The following MAPK8 variants were observed in gnomAD, a reference collection of about 807,000 sequenced individuals.
MAPK8 encodes mitogen-activated protein kinase 8.
A neutral mutation model predicts 52.9 loss-of-function variants in MAPK8; 13 were observed. The observed-to-expected ratio is 0.25, with a 90% confidence interval of 0.16 to 0.39. The LOEUF (loss-of-function observed/expected upper bound fraction) is 0.39. MAPK8 is among the 10% of genes least tolerant of loss of function. The pLI is 1.00. For synonymous variants in MAPK8, 191 were observed against 169.8 expected (o/e 1.12, Z -0.97); for missense variants, 300 against 519.2 (o/e 0.58, Z 4.10).
chr10:48,329,809 C>T (rs1843936080), intron 1 of MAPK8, among the ~76,000 whole-genome samples: 1 of 152,146 alleles, frequency 6.6e-6, no homozygotes, highest in Admixed American at 6.5e-5. Context: ...TTATTTTTAT[C>T]CTTGCTCTGC....
At chr10:48,380,270 T>G (rs2040917898) in intron 1 of MAPK8, among the ~76,000 whole-genome samples, 1 of 152,144 alleles carries the variant, frequency 6.6e-6, no homozygotes, top group African/African-American at 2.4e-5. Context: ...TAAAACAGTT[T>G]ACTGCATATA....
Position 48,420,178 on chromosome 10 carries a change from A to G in MAPK8, c.474A>G (p.Val158=), listed in dbSNP as rs753493053. ...AGGACTTAAAGCCCAGTAATATAGT[A>G]GTAAAATCTGATTGCACTTTGAAGA... is the stretch of plus-strand genomic sequence containing the variant. ...IHRDLKPSNI[V]VKSDCTLKIL... is the part of the protein sequence containing the mutation. Residue 158 remains valine, a synonymous_variant, in exon 6 of 12, where the codon GTA becomes GTG. Coordinates refer to ENST00000374189, the MANE Select transcript of MAPK8 (RefSeq NM_001323329.2). The G allele has an allele frequency of 6.2e-6, 10 of 1,613,610 alleles. 1 individual carries two copies. In the South Asian group the frequency reaches 1.1e-4, roughly 18 times the overall value.
chr10:48,313,081 A>T (rs1276055444), intron 1 of MAPK8, among the ~76,000 whole-genome samples: 2 of 152,204 alleles, frequency 1.3e-5, no homozygotes, highest in African/African-American at 4.8e-5. Flanking sequence ...CGTGTTATCC[A>T]AAATCCCTAG....
rs538702201 is a variant in MAPK8, at chr10:48,431,671, G to A, written c.1138+401G>A. Among the ~76,000 whole-genome samples the A allele has an allele frequency of 3.3e-5, 5 of 152,184 alleles. No homozygotes were observed. In the East Asian group the frequency reaches 7.7e-4, roughly 23 times the overall value. ...ACCAAATTGCTGTCTTTCTCTTTTT[G>A]ATATTATTGATTTGTTGAATGAAGG... On this transcript the variant is annotated intron_variant, in intron 11 of 11. Coordinates refer to ENST00000374189, the MANE Select transcript of MAPK8 (RefSeq NM_001323329.2).
At chr10:48,351,723 A>C (rs1846351721) in intron 1 of MAPK8, among the ~76,000 whole-genome samples, 1 of 152,204 alleles carries the variant, frequency 6.6e-6, no homozygotes, top group Admixed American at 6.5e-5. Context: ...AAAAGAAGAC[A>C]CAAATCATCA....
chr10:48,373,522 T>C (rs539421227), intron 1 of MAPK8, among the ~76,000 whole-genome samples: 15 of 95,668 alleles, frequency 1.6e-4, no homozygotes, highest in African/African-American at 4.7e-4. Context: ...AAGACACACA[T>C]AAGCTCAAAA....
rs761590637 is a variant in MAPK8 at position 48,427,118 on chromosome 10, G to A, written c.1035G>A (p.Arg345=). ...PKIPDKQLDE[R]EHTIEEWKEL... ...TCCCTGACAAGCAGTTAGATGAAAG[G>A]GAACACACAATAGAAGAGTGGAAAG... Residue 345 remains arginine, a synonymous_variant, in exon 10 of 12, where the codon AGG becomes AGA. Coordinates refer to ENST00000374189, the MANE Select transcript of MAPK8 (RefSeq NM_001323329.2). 1.2e-6 allele frequency: 2 copies of A among 1,613,136 alleles called. No individual in the cohort carries two copies. Among genetic ancestry groups the A allele is most frequent in the South Asian group, 2.2e-5 (2 of 91,022 alleles).
At chr10:48,397,051 A>G (rs1444296599) in intron 1 of MAPK8, among the ~76,000 whole-genome samples, 2 of 152,232 alleles carry the variant, frequency 1.3e-5, no homozygotes, top group Non-Finnish European at 2.9e-5. Context: ...AACTATCAAA[A>G]TGAGGAAACT....
intron 1 of MAPK8, among the ~76,000 whole-genome samples, chr10:48,367,781 A>ACCATTT (rs1177577674): frequency 6.6e-6 from 1 of 152,216 alleles, no homozygotes; most frequent in African/African-American, 2.4e-5. Context: ...AACGAAAGAT[A>ACCATTT]CCATTTCTTG....
chr10:48,425,479 T>A, intron 7 of MAPK8: 1 of 391,926 alleles, frequency 2.6e-6, no homozygotes, highest in East Asian at 4.0e-5. Context: ...GTTCTAGAAA[T>A]ATTGTCTAGG....
chr10:48,380,711 C>T (rs1000481345), intron 1 of MAPK8, among the ~76,000 whole-genome samples: 8 of 152,106 alleles, frequency 5.3e-5, no homozygotes, highest in Non-Finnish European at 1.2e-4. Flanking sequence ...CCAGCATGGG[C>T]GACAGAGCAG....
chr10:48,428,811 GTTGTTTTTTTTGT>G (rs1475727669), intron 10 of MAPK8, among the ~76,000 whole-genome samples: 1 of 151,806 alleles, frequency 6.6e-6, no homozygotes, highest in Non-Finnish European at 1.5e-5. Flanking sequence ...GGTTTTTTTG[GTTGTTTTTTTTGT>G]TTGTTTGTTT....
At chr10:48,314,775 A>G (rs907113444) in intron 1 of MAPK8, among the ~76,000 whole-genome samples, 6 of 151,816 alleles carry the variant, frequency 4.0e-5, no homozygotes, top group African/African-American at 1.5e-4. Context: ...TTTGTTGCTC[A>G]TTTTCCTAGA....
intron 1 of MAPK8, among the ~76,000 whole-genome samples, chr10:48,349,417 A>G (rs1309267016): frequency 6.6e-6 from 1 of 152,068 alleles, no homozygotes; most frequent in Admixed American, 6.6e-5. Context: ...AAATCATAAC[A>G]GTCTCTCAGA....
In MAPK8 at chr10:48,435,805, ATG is replaced by A. The variant is rs1269081616; in HGVS notation, c.*777_*778del. On this transcript the variant is annotated 3_prime_UTR_variant, in exon 12 of 12. Coordinates refer to ENST00000374189, the MANE Select transcript of MAPK8 (RefSeq NM_001323329.2). ...CAAATTTGTGGCATGCTCAAAGTTT[ATG>A]ATCACATAAAGGCAAGAGGATACTT... 3 of 152,268 alleles carry A rather than the reference ATG, an allele frequency of 2.0e-5. No individual in the cohort carries two copies. Among genetic ancestry groups the A allele is most frequent in the Non-Finnish European group, 4.4e-5 (3 of 68,044 alleles). 9.4% of individuals were successfully genotyped at this position (152,268 alleles called of 1,614,324 possible).
intron 5 of MAPK8, among the ~76,000 whole-genome samples, chr10:48,410,622 T>A (rs2042697703): frequency 1.3e-5 from 2 of 152,208 alleles, no homozygotes; most frequent in African/African-American, 4.8e-5. Flanking sequence ...TTTGTTTGAA[T>A]ATATATTTTC....
At chr10:48,423,208 A>G (rs1290737575) in intron 6 of MAPK8, among the ~76,000 whole-genome samples, 1 of 152,204 alleles carries the variant, frequency 6.6e-6, no homozygotes, top group African/African-American at 2.4e-5. Flanking sequence ...TGTGTCTAGC[A>G]GATTCTTGTC....
intron 1 of MAPK8, among the ~76,000 whole-genome samples, chr10:48,386,176 G>C (rs1186468899): frequency 1.3e-5 from 2 of 152,142 alleles, no homozygotes; most frequent in African/African-American, 4.8e-5. Context: ...ATTAGTGAAA[G>C]ATTTGGCAAA....
intron 1 of MAPK8, among the ~76,000 whole-genome samples, chr10:48,352,256 T>C (rs555703930): frequency 6.6e-6 from 1 of 151,794 alleles, no homozygotes; most frequent in South Asian, 2.1e-4. Context: ...AAGGGAATAC[T>C]TCCTAATTCA....
Sources: allele counts gnomAD v4.1 joint callset (sites outside exome capture counted in the v4.1 genomes callset), GRCh38; gene constraint gnomAD v4.1.1; transcripts MANE v1.5; gene names NCBI Gene and HGNC (gene_info 2026-07-23, HGNC 2026-07-21).